Variants in MAF observed in about 807,000 individuals in gnomAD.
MAF encodes the protein transcription factor Maf.
Under a neutral mutation model 22.0 loss-of-function variants are expected in MAF, and 10 were observed. The observed-to-expected ratio is 0.45, with a 90% CI of 0.28 to 0.77. MAF has a LOEUF of 0.77. Among genes scored for constraint, MAF ranks in the 30% least tolerant of loss-of-function variants. The pLI, the probability that MAF is intolerant of heterozygous loss-of-function variation, is 0.12. For synonymous variants in MAF, 337 were observed against 255.8 expected, an observed-to-expected ratio of 1.32 and a Z score of -3.03; for missense variants, 544 against 548.4, an observed-to-expected ratio of 0.99 and a Z score of 0.08.
At chr16:79,463,141 A>C in the MAF span, among the ~76,000 whole-genome samples, 1 of 152,326 alleles carries the variant, frequency 6.6e-6, no homozygotes, top group East Asian at 1.9e-4. Flanking sequence ...GGTGGAGATG[A>C]GCTTGGCCTG....
At chr16:79,415,098 CG>C in the MAF span, among the ~76,000 whole-genome samples, 1 of 152,170 alleles carries the variant, frequency 6.6e-6, no homozygotes, top group Non-Finnish European at 1.5e-5. Context: ...CTGCAGGAAG[CG>C]AGAACTAGAA....
At chr16:79,220,631 G>T in the MAF span, among the ~76,000 whole-genome samples, 1 of 152,072 alleles carries the variant, frequency 6.6e-6, no homozygotes, top group East Asian at 1.9e-4. Flanking sequence ...AATATAAATC[G>T]TGGTTTAGTA....
the MAF span, among the ~76,000 whole-genome samples, chr16:79,452,185 A>C: frequency 6.6e-6 from 1 of 152,352 alleles, no homozygotes; most frequent in South Asian, 2.1e-4. Flanking sequence ...CTTTACAGAA[A>C]AGAAATTGCT....
At chr16:79,368,775 C>T in the MAF span, among the ~76,000 whole-genome samples, 678 of 152,262 alleles carry the variant, frequency 4.5e-3, 7 homozygotes, top group African/African-American at 0.016. Context: ...TCTGATATCC[C>T]ACAGCTAACT....
At chr16:79,469,504 T>C in the MAF span, among the ~76,000 whole-genome samples, 1 of 152,196 alleles carries the variant, frequency 6.6e-6, no homozygotes, top group Admixed American at 6.5e-5. Flanking sequence ...CATTGAACAG[T>C]ATGAAGATGA....
the MAF span, among the ~76,000 whole-genome samples, chr16:79,416,069 C>A: frequency 6.6e-6 from 1 of 152,154 alleles, no homozygotes; most frequent in African/African-American, 2.4e-5. Context: ...ACCAGCAGCA[C>A]TGACAGAGGG....
the MAF span, among the ~76,000 whole-genome samples, chr16:79,335,085 T>A: frequency 4.7e-5 from 7 of 150,492 alleles, no homozygotes; most frequent in Non-Finnish European, 7.4e-5. Flanking sequence ...CTCGGGAGGC[T>A]GAGGCAGGAG....
At chr16:79,214,231 A>G in the MAF span, among the ~76,000 whole-genome samples, 1 of 152,234 alleles carries the variant, frequency 6.6e-6, no homozygotes, top group South Asian at 2.1e-4. Flanking sequence ...TCTACCCACT[A>G]TAAGAAACTC....
chr16:79,339,404 C>A, the MAF span, among the ~76,000 whole-genome samples: 1 of 152,146 alleles, frequency 6.6e-6, no homozygotes, highest in Non-Finnish European at 1.5e-5. Flanking sequence ...CCATGCTCTT[C>A]TCCTTCTGCT....
At chr16:79,295,679 C>A in the MAF span, among the ~76,000 whole-genome samples, 1 of 152,234 alleles carries the variant, frequency 6.6e-6, no homozygotes, top group Non-Finnish European at 1.5e-5. Flanking sequence ...AAGACATATT[C>A]TCGTTGGAGA....
chr16:79,572,089 T>C, the MAF span, among the ~76,000 whole-genome samples: 2 of 152,242 alleles, frequency 1.3e-5, no homozygotes, highest in Admixed American at 1.3e-4. Flanking sequence ...ATTCCACCTC[T>C]AAGCTGCTGC....
At chr16:79,298,171 G>A in the MAF span, among the ~76,000 whole-genome samples, 8 of 152,224 alleles carry the variant, frequency 5.3e-5, no homozygotes, top group African/African-American at 1.7e-4. Flanking sequence ...CCCTGTGTTT[G>A]CATAACATTC....
chr16:79,527,733 T>A, the MAF span, among the ~76,000 whole-genome samples: 1 of 152,160 alleles, frequency 6.6e-6, no homozygotes, highest in African/African-American at 2.4e-5. Flanking sequence ...TCACTTCAGT[T>A]TGAAGAAGTG....
At chr16:79,450,617 C>T in the MAF span, among the ~76,000 whole-genome samples, 1 of 152,142 alleles carries the variant, frequency 6.6e-6, no homozygotes, top group Non-Finnish European at 1.5e-5. Flanking sequence ...TCAAACAATG[C>T]TGTTCTGTGA....
chr16:79,210,489 C>T, the MAF span, among the ~76,000 whole-genome samples: 3 of 152,176 alleles, frequency 2.0e-5, no homozygotes, highest in African/African-American at 7.2e-5. Context: ...ATTTCCCCCA[C>T]AATCAAAGTT....
At chr16:79,588,530 G>A (rs1038097161) in intron 1 of MAF, among the ~76,000 whole-genome samples, 1 of 151,990 alleles carries the variant, frequency 6.6e-6, no homozygotes, top group African/African-American at 2.4e-5. Context: ...CGCCTCCCAG[G>A]TTTTAAGTGA....
At chr16:79,298,294 C>A in the MAF span, among the ~76,000 whole-genome samples, 1 of 152,228 alleles carries the variant, frequency 6.6e-6, no homozygotes, top group South Asian at 2.1e-4. Context: ...ATCAACCTGC[C>A]TGTACAAACC....
the MAF span, among the ~76,000 whole-genome samples, chr16:79,317,412 C>G: frequency 6.8e-6 from 1 of 146,450 alleles, no homozygotes; most frequent in Admixed American, 6.8e-5. Flanking sequence ...CCATCTCTCC[C>G]TCCCTCCTTT....
At chr16:79,455,067 G>A in the MAF span, among the ~76,000 whole-genome samples, 1 of 150,720 alleles carries the variant, frequency 6.6e-6, no homozygotes, top group South Asian at 2.1e-4. Flanking sequence ...TTGCACTACA[G>A]CCTGGGCAAC....
Sources: allele counts gnomAD v4.1 joint callset (sites outside exome capture counted in the v4.1 genomes callset), GRCh38; gene constraint gnomAD v4.1.1; transcripts MANE v1.5; gene names NCBI Gene and HGNC (gene_info 2026-07-23, HGNC 2026-07-21).